The following MYO7A variants were observed in gnomAD, a reference collection of about 807,000 sequenced individuals.
The protein encoded by MYO7A is myosin VIIA.
A neutral mutation model predicts 263.8 loss-of-function variants in MYO7A; 210 were observed. The observed-to-expected ratio is 0.80, with a 90% CI of 0.71 to 0.89. MYO7A has a LOEUF of 0.89. Ranked by LOEUF, MYO7A falls within the 40% of genes least tolerant of loss-of-function variation. The pLI, the probability that MYO7A is intolerant of heterozygous loss-of-function variation, is 0.00. For synonymous variants in MYO7A, 1,239 were observed against 1,197.3 expected (o/e 1.03, Z -0.72); for missense variants, 2,820 against 2,968.3 (o/e 0.95, Z 1.16).
intron 27 of MYO7A, among the ~76,000 whole-genome samples, chr11:77,186,999 T>C (rs1955693758): frequency 1.3e-5 from 2 of 152,184 alleles, no homozygotes; most frequent in South Asian, 4.1e-4. Flanking sequence ...AATATGAATG[T>C]GTCTCAGGGA....
chr11:77,163,001 G>T lies in MYO7A; in HGVS notation c.1690+13G>T, dbSNP rs782552444. On this transcript the variant is annotated intron_variant, in intron 14 of 48. Transcript: ENST00000409709. ...TATGAGACCCAAGGTACAGAGGGCT[G>T]CCGGCTGTCTGTCACTCCCTGCCCG... is the stretch of plus-strand genomic sequence containing the variant. 2 of 1,612,792 alleles carry T rather than the reference G, an allele frequency of 1.2e-6. No homozygotes were observed. The highest frequency in any genetic ancestry group is 1.7e-6 in the Non-Finnish European group (2 of 1,179,142).
rs781804341 is a variant in MYO7A at position 77,172,740 on chromosome 11, C to A, written c.1798-8C>A. The A allele has an allele frequency of 6.4e-7, 1 of 1,553,258 alleles. No individual in the cohort carries two copies. Among genetic ancestry groups the A allele is most frequent in the Non-Finnish European group, 8.7e-7 (1 of 1,149,408 alleles). ...AGCCCCTCCCATCGCTGCCGTCCGT[C>A]CCCCCAGGGCGCCGAGACCAGGAAG... On this transcript the variant is annotated splice_polypyrimidine_tract_variant and splice_region_variant and intron_variant, in intron 15 of 48. Transcript: ENST00000409709.
intron 19 of MYO7A, among the ~76,000 whole-genome samples, chr11:77,178,813 A>C (rs1954903254): frequency 2.0e-5 from 3 of 152,168 alleles, no homozygotes; most frequent in Admixed American, 2.0e-4. Context: ...ATACCTTTTG[A>C]ATGTCTACCT....
intron 26 of MYO7A, among the ~76,000 whole-genome samples, chr11:77,183,539 C>G (rs1238108939): frequency 6.6e-6 from 1 of 152,240 alleles, no homozygotes; most frequent in African/African-American, 2.4e-5. Flanking sequence ...GGAGCATGAA[C>G]AGGATTAATT....
At chr11:77,169,179 C>A (rs1172158504) in intron 15 of MYO7A, among the ~76,000 whole-genome samples, 1 of 152,232 alleles carries the variant, frequency 6.6e-6, no homozygotes, top group Non-Finnish European at 1.5e-5. Flanking sequence ...GAAGCCCACG[C>A]CACCTCTTGC....
chr11:77,129,568 A>G (rs188697601), intron 1 of MYO7A, among the ~76,000 whole-genome samples: 64 of 152,252 alleles, frequency 4.2e-4, no homozygotes, highest in East Asian at 9.6e-4. Context: ...AGACAAGGCA[A>G]TGTCTCAGAC....
At chr11:77,135,464 T>C (rs1352235722) in intron 2 of MYO7A, among the ~76,000 whole-genome samples, 1 of 152,238 alleles carries the variant, frequency 6.6e-6, no homozygotes, top group Admixed American at 6.5e-5. Context: ...GTTTATTCAT[T>C]CATCTATTGA....
chr11:77,176,133 C>G (rs1954638210), intron 18 of MYO7A, among the ~76,000 whole-genome samples: 1 of 152,210 alleles, frequency 6.6e-6, no homozygotes, highest in African/African-American at 2.4e-5. Context: ...GACAGGGCTC[C>G]TTCCTCTGGT....
rs782255281 is a variant in MYO7A, at chr11:77,175,392, C to A, written c.2115C>A (p.Cys705Ter). The A allele has an allele frequency of 2.5e-6, 4 of 1,613,242 alleles. No individual in the cohort carries two copies. The East Asian group carries it at 6.7e-5, about 27-fold the overall frequency. ...AYKQGDLRGT[C>*]QRMAEAVLGT... ...TCCAGGGCGACCTCCGCGGGACTTG[C>A]CAGCGCATGGCTGAGGCTGTGCTGG... is the stretch of plus-strand genomic sequence containing the variant. The change falls in exon 18 of 49, where the codon TGC (cysteine) becomes TGA (stop). Residue 705 changes from cysteine (C) to a stop codon, truncating the protein, a stop_gained. Coordinates refer to ENST00000409709, the MANE Select transcript of MYO7A (RefSeq NM_000260.4). LOFTEE classifies it high-confidence loss of function.
At chr11:77,211,978 G>T in intron 46 of MYO7A, 41 bp downstream of exon 46, 2 of 1,502,098 alleles carry the variant, frequency 1.3e-6, no homozygotes, top group Non-Finnish European at 1.8e-6. Context: ...GAGGGGAACA[G>T]GGCATTGATA....
chr11:77,164,901 A>G (rs925246183), intron 14 of MYO7A, among the ~76,000 whole-genome samples: 7 of 152,198 alleles, frequency 4.6e-5, no homozygotes, highest in Non-Finnish European at 1.5e-5. Flanking sequence ...AGACTAAATG[A>G]CTGGAAAGAA....
At chr11:77,173,088 G>A (rs947274740) in intron 16 of MYO7A, among the ~76,000 whole-genome samples, 4 of 152,114 alleles carry the variant, frequency 2.6e-5, no homozygotes, top group Admixed American at 2.0e-4. Context: ...TCTGCGGGGG[G>A]TTGCAGCAGG....
At position 77,166,136 on chromosome 11, in the gene MYO7A, C is replaced by T. The variant is rs1953519454; in HGVS notation, c.1771C>T (p.Gln591Ter). ...CTCCTCCAGGAACAAGTTCATCAAG[C>T]AGATCTTCCAGGCCGATGTCGCCAT... ...VHSSRNKFIK[Q>*]IFQADVAMGA... Residue 591 changes from glutamine (Q) to a stop codon, truncating the protein, a stop_gained, in exon 15 of 49, where the codon CAG becomes TAG. Coordinates refer to ENST00000409709, the MANE Select transcript of MYO7A (RefSeq NM_000260.4). LOFTEE classifies it high-confidence loss of function. 1 of 1,613,934 alleles carries T rather than the reference C, an allele frequency of 6.2e-7. No homozygotes were observed. Among genetic ancestry groups the T allele is most frequent in the Non-Finnish European group, 8.5e-7 (1 of 1,179,860 alleles).
At position 77,182,099 on chromosome 11, in the gene MYO7A, C is replaced by T. The variant is rs782788623; in HGVS notation, c.3053C>T (p.Thr1018Ile). The T allele has an allele frequency of 1.2e-6, 2 of 1,613,430 alleles. No individual in the cohort carries two copies. The highest frequency in any genetic ancestry group is 1.7e-6 in the Non-Finnish European group (2 of 1,179,864). The change falls in exon 24 of 49, where the codon ACC becomes ATC. Residue 1018 changes from threonine to isoleucine, a missense_variant. Transcript: ENST00000409709. ...CAGGGGACAACCACGCACTCCTACA[C>T]CCGGCGGCCACTCAAACAGCCACTG... ...YFQGTTTHSY[T>I]RRPLKQPLLY...
intron 44 of MYO7A, among the ~76,000 whole-genome samples, chr11:77,209,528 C>T (rs1422868375): frequency 2.0e-5 from 3 of 151,776 alleles, no homozygotes; most frequent in East Asian, 1.9e-4. Context: ...TCCTCATGCC[C>T]CTCCCCACCC....
At chr11:77,150,114 G>T (rs1382087932) in intron 4 of MYO7A, among the ~76,000 whole-genome samples, 2 of 152,208 alleles carry the variant, frequency 1.3e-5, no homozygotes, top group Non-Finnish European at 2.9e-5. Context: ...TTTTGTCATT[G>T]TCCCTATGCT....
At chr11:77,128,814 T>C (rs1007498952) in intron 1 of MYO7A, among the ~76,000 whole-genome samples, 8 of 152,166 alleles carry the variant, frequency 5.3e-5, no homozygotes, top group Non-Finnish European at 5.9e-5. Context: ...GTCCGTTCTC[T>C]CTGTCTCCTT....
intron 2 of MYO7A, among the ~76,000 whole-genome samples, chr11:77,132,183 C>T (rs896033496): frequency 6.6e-6 from 1 of 152,068 alleles, no homozygotes; most frequent in Non-Finnish European, 1.5e-5. Context: ...GCTCAGGCTT[C>T]AGTGTAGCCT....
At chr11:77,199,483 G>A (rs548154777) in intron 34 of MYO7A, 52 bp from the exon 35 acceptor site, 216 of 1,434,672 alleles carry the variant, frequency 1.5e-4, no homozygotes, top group Non-Finnish European at 1.8e-4. Context: ...GCTGGGCCAC[G>A]TCTCCCACTG....
Sources: allele counts gnomAD v4.1 joint callset (sites outside exome capture counted in the v4.1 genomes callset), GRCh38; gene constraint gnomAD v4.1.1; transcripts MANE v1.5; gene names NCBI Gene and HGNC (gene_info 2026-07-23, HGNC 2026-07-21).